GPHN: variants seen among roughly 807,000 people sequenced by gnomAD.
The protein encoded by GPHN is gephyrin.
GPHN carries 17 observed loss-of-function variants against 95.5 expected under a neutral mutation model. That is an observed-to-expected ratio of 0.18 (90% CI 0.12 to 0.27). The LOEUF (loss-of-function observed/expected upper bound fraction) is 0.27, where lower values mean the gene tolerates loss of function less well. GPHN is among the 10% of genes least tolerant of loss of function. The pLI, the probability that GPHN is intolerant of heterozygous loss-of-function variation, is 1.00. For synonymous variants in GPHN, 320 were observed against 322.5 expected (o/e 0.99, Z 0.08); for missense variants, 660 against 978.1 (o/e 0.67, Z 4.34).
the GPHN span, among the ~76,000 whole-genome samples, chr14:67,548,916 T>C: frequency 1.3e-5 from 2 of 152,134 alleles, no homozygotes; most frequent in Admixed American, 1.3e-4. Context: ...TTTTTCTGAG[T>C]GGATAAATGG....
At chr14:66,895,831 C>T (rs2064815279) in intron 5 of GPHN, among the ~76,000 whole-genome samples, 1 of 152,134 alleles carries the variant, frequency 6.6e-6, no homozygotes, top group South Asian at 2.1e-4. Flanking sequence ...GAAAAGAGAG[C>T]AAAGATATTG....
chr14:66,987,359 G>A (rs2071095192), intron 9 of GPHN, among the ~76,000 whole-genome samples: 1 of 152,216 alleles, frequency 6.6e-6, no homozygotes, highest in South Asian at 2.1e-4. Context: ...ACCATGTACT[G>A]TAAACTGGAT....
the GPHN span, among the ~76,000 whole-genome samples, chr14:67,733,033 C>A: frequency 1.3e-5 from 2 of 151,998 alleles, no homozygotes; most frequent in Non-Finnish European, 2.9e-5. Flanking sequence ...ATGACGAGTT[C>A]ATGGGTGCAG....
At chr14:67,690,192 T>C in the GPHN span, 3 of 1,606,140 alleles carry the variant, frequency 1.9e-6, no homozygotes, top group Admixed American at 3.3e-5. Flanking sequence ...TGTCTCCACA[T>C]TCATTTCCTC....
intron 3 of GPHN, among the ~76,000 whole-genome samples, chr14:66,777,781 TG>T (rs2059437604): frequency 6.6e-6 from 1 of 152,182 alleles, no homozygotes. Flanking sequence ...CAACCCTTCA[TG>T]CTAAAAACTC....
At chr14:66,536,133 A>T (rs914066943) in intron 1 of GPHN, among the ~76,000 whole-genome samples, 5 of 152,086 alleles carry the variant, frequency 3.3e-5, no homozygotes, top group Admixed American at 2.6e-4. Flanking sequence ...AAAAAATTTT[A>T]TAGAGAGAGG....
At chr14:67,703,330 A>G in the GPHN span, among the ~76,000 whole-genome samples, 1 of 152,208 alleles carries the variant, frequency 6.6e-6, no homozygotes, top group Non-Finnish European at 1.5e-5. Flanking sequence ...TATTTTAAAA[A>G]TCTTTTATCC....
At chr14:66,823,553 TTTG>T (rs1381556643) in intron 3 of GPHN, among the ~76,000 whole-genome samples, 1 of 152,220 alleles carries the variant, frequency 6.6e-6, no homozygotes, top group African/African-American at 2.4e-5. Context: ...TTAAAAATAG[TTTG>T]TTGCCATTAA....
the GPHN span, among the ~76,000 whole-genome samples, chr14:67,231,478 T>A: frequency 6.6e-6 from 1 of 152,176 alleles, no homozygotes; most frequent in Admixed American, 6.5e-5. Flanking sequence ...TAAATTTTTC[T>A]GTAGAGACAG....
At chr14:66,801,829 C>T (rs72728659) in intron 3 of GPHN, among the ~76,000 whole-genome samples, 1,009 of 141,460 alleles carry the variant, frequency 7.1e-3, no homozygotes, top group Middle Eastern at 0.012. Context: ...TCTCCCTCTC[C>T]CTCCTTGAGC....
At chr14:67,464,867 C>G in the GPHN span, among the ~76,000 whole-genome samples, 1 of 152,236 alleles carries the variant, frequency 6.6e-6, no homozygotes, top group Non-Finnish European at 1.5e-5. Context: ...TCAAGCTTCA[C>G]CCCCTGTCCT....
At chr14:67,301,539 G>C in the GPHN span, 1 of 985,262 alleles carries the variant, frequency 1.0e-6, no homozygotes, top group East Asian at 2.6e-5. Context: ...AAAGACTCCA[G>C]TACTGGAAGA....
the GPHN span, chr14:67,320,291 T>C: frequency 6.2e-7 from 1 of 1,613,706 alleles, no homozygotes; most frequent in East Asian, 2.2e-5. Flanking sequence ...AGCCAGCAAA[T>C]AGGAAGAGAC....
intron 2 of GPHN, among the ~76,000 whole-genome samples, chr14:66,761,940 C>T (rs556995271): frequency 1.1e-4 from 16 of 152,178 alleles, no homozygotes; most frequent in African/African-American, 3.9e-4. Context: ...GGAGAATACT[C>T]AGTTTTAACT....
At chr14:67,548,689 C>G in the GPHN span, among the ~76,000 whole-genome samples, 1 of 152,078 alleles carries the variant, frequency 6.6e-6, no homozygotes, top group African/African-American at 2.4e-5. Flanking sequence ...AAGAGCAAAA[C>G]TCTGTCTCAA....
At chr14:66,585,446 G>T (rs1248371687) in intron 1 of GPHN, among the ~76,000 whole-genome samples, 2 of 152,050 alleles carry the variant, frequency 1.3e-5, no homozygotes, top group African/African-American at 4.8e-5. Flanking sequence ...GAATGTGTTT[G>T]CTCTTGCTTC....
intron 1 of GPHN, among the ~76,000 whole-genome samples, chr14:66,530,080 GC>G (rs1404894086): frequency 6.6e-6 from 1 of 152,296 alleles, no homozygotes; most frequent in African/African-American, 2.4e-5. Context: ...CTGTCCCAGG[GC>G]GATGGAGGTT....
chr14:67,094,470 G>A (rs1373154624), intron 12 of GPHN, among the ~76,000 whole-genome samples: 1 of 152,114 alleles, frequency 6.6e-6, no homozygotes, highest in East Asian at 1.9e-4. Flanking sequence ...TAGCAGATAT[G>A]TCAGAATTAC....
At chr14:67,463,269 T>A in the GPHN span, among the ~76,000 whole-genome samples, 3 of 152,174 alleles carry the variant, frequency 2.0e-5, no homozygotes, top group African/African-American at 7.2e-5. Context: ...TAATTAAAAA[T>A]TTTTTTCAAA....
Sources: gnomAD v4.1 joint callset for allele counts (sites outside exome capture counted in the v4.1 genomes callset) on GRCh38, gnomAD v4.1.1 for gene constraint, MANE v1.5 for transcripts, NCBI Gene and HGNC (gene_info 2026-07-23, HGNC 2026-07-21) for gene names.